Variants in LIMS1 observed in about 807,000 individuals in gnomAD.
LIMS1 encodes the protein LIM and senescent cell antigen-like-containing domain protein 1.
A neutral mutation model predicts 44.1 loss-of-function variants in LIMS1; 18 were observed. That is an observed-to-expected ratio of 0.41 (90% CI 0.28 to 0.61). The LOEUF is 0.61. Among genes scored for constraint, LIMS1 ranks in the 20% least tolerant of loss-of-function variants. The pLI is 0.32. For synonymous variants in LIMS1, 93 were observed against 149.1 expected (o/e 0.62, Z 2.74); for missense variants, 201 against 422.0 (o/e 0.48, Z 4.59).
At chr2:108,683,912 G>A (rs1445904253) in exon 10 of LIMS1, 13 of 1,594,936 alleles carry the variant, frequency 8.2e-6, no homozygotes, top group Non-Finnish European at 1.0e-5. Context: ...TTGACATGAA[G>A]CCAGTCTGTA....
At chr2:108,572,606 G>A (rs1483584046) in intron 1 of LIMS1, among the ~76,000 whole-genome samples, 1 of 151,904 alleles carries the variant, frequency 6.6e-6, no homozygotes, top group Admixed American at 6.6e-5. Flanking sequence ...GGTGGGTCTC[G>A]AACTCCTGAC....
At chr2:108,556,434 T>C (rs1415941117) in intron 1 of LIMS1, among the ~76,000 whole-genome samples, 1 of 152,210 alleles carries the variant, frequency 6.6e-6, no homozygotes, top group Non-Finnish European at 1.5e-5. Flanking sequence ...TGTACAAATA[T>C]CTGTTTGAGT....
exon 10 of LIMS1, chr2:108,684,296 T>C (rs1693194291): frequency 6.2e-6 from 1 of 161,278 alleles, no homozygotes; most frequent in African/African-American, 2.4e-5. Flanking sequence ...AAATTAAATA[T>C]AACTTTTTAA....
intron 1 of LIMS1, among the ~76,000 whole-genome samples, chr2:108,584,716 G>A (rs1686024582): frequency 6.6e-6 from 1 of 152,116 alleles, no homozygotes; most frequent in South Asian, 2.1e-4. Flanking sequence ...GTGAGCATTA[G>A]CGAAGGGAAG....
intron 1 of LIMS1, among the ~76,000 whole-genome samples, chr2:108,626,567 A>C (rs1688588429): frequency 6.6e-6 from 1 of 152,180 alleles, no homozygotes; most frequent in Non-Finnish European, 1.5e-5. Context: ...GGATTCTTCA[A>C]GGCAAGAGAC....
chr2:108,537,185 ACTT>A (rs1684172569), intron 1 of LIMS1, among the ~76,000 whole-genome samples: 1 of 152,210 alleles, frequency 6.6e-6, no homozygotes, highest in South Asian at 2.1e-4. Context: ...TGCTACAGTG[ACTT>A]CTTAGGAATA....
intron 1 of LIMS1, among the ~76,000 whole-genome samples, chr2:108,566,336 G>T (rs1685287947): frequency 6.6e-6 from 1 of 152,174 alleles, no homozygotes; most frequent in African/African-American, 2.4e-5. Flanking sequence ...CCCAGAAGAA[G>T]AATTAAGGAA....
chr2:108,640,583 C>T (rs757469188), intron 1 of LIMS1, among the ~76,000 whole-genome samples: 2 of 152,128 alleles, frequency 1.3e-5, no homozygotes, highest in South Asian at 4.1e-4. Flanking sequence ...CCTGAGTGGC[C>T]ACTCTCTTTT....
intron 1 of LIMS1, among the ~76,000 whole-genome samples, chr2:108,593,697 C>T (rs1278409446): frequency 6.6e-6 from 1 of 152,196 alleles, no homozygotes. Flanking sequence ...GCCAGCCTAG[C>T]ACACTGCTAG....
intron 1 of LIMS1, among the ~76,000 whole-genome samples, chr2:108,587,910 C>T (rs1434853251): frequency 6.6e-6 from 1 of 152,164 alleles, no homozygotes; most frequent in South Asian, 2.1e-4. Flanking sequence ...CTGGCCTGCA[C>T]CTTGCCACCG....
intron 1 of LIMS1, among the ~76,000 whole-genome samples, chr2:108,595,719 T>C (rs1235643560): frequency 6.6e-6 from 1 of 152,242 alleles, no homozygotes; most frequent in Non-Finnish European, 1.5e-5. Flanking sequence ...ACTTTCATTC[T>C]GTTCCTTCAT....
intron 1 of LIMS1, among the ~76,000 whole-genome samples, chr2:108,558,638 G>A (rs1685009417): frequency 6.6e-6 from 1 of 151,310 alleles, no homozygotes; most frequent in Non-Finnish European, 1.5e-5. Flanking sequence ...TCAACTGTGA[G>A]AAAACTTTTA....
intron 1 of LIMS1, among the ~76,000 whole-genome samples, chr2:108,601,961 GTTCTA>G (rs56248221): frequency 0.41 from 62,293 of 151,698 alleles, 14,676 homozygotes; most frequent in East Asian, 0.94. Context: ...ATTTTTTGGT[GTTCTA>G]TTCAATTTTC....
chr2:108,615,193 T>G (rs2148860810), intron 1 of LIMS1, among the ~76,000 whole-genome samples: 1 of 152,340 alleles, frequency 6.6e-6, no homozygotes, highest in South Asian at 2.1e-4. Context: ...TGGGAAAATC[T>G]GGATTTGTGG....
rs927747269 is a variant in LIMS1 at position 108,662,751 on chromosome 2, C to G, written c.192+2987C>G. On this transcript the variant is annotated intron_variant, in intron 2 of 9. Transcript: ENST00000544547. ...TACCCAGTTTGCCTTCCATTTGGGA[C>G]ATGACTGATGTGCTTCAGTCTTTGT... is the stretch of plus-strand genomic sequence containing the variant. The G allele has an allele frequency of 1.9e-5, 18 of 933,538 alleles. No individual in the cohort carries two copies. In the African/African-American group the frequency reaches 3.2e-4, roughly 17 times the overall value. 57.8% of individuals were successfully genotyped at this position (933,538 alleles called of 1,614,324 possible).
intron 1 of LIMS1, among the ~76,000 whole-genome samples, chr2:108,603,077 C>T (rs1301885822): frequency 6.6e-6 from 1 of 152,102 alleles, no homozygotes; most frequent in Non-Finnish European, 1.5e-5. Flanking sequence ...ACGAGCCACT[C>T]GCCTGACCAG....
intron 1 of LIMS1, among the ~76,000 whole-genome samples, chr2:108,628,019 C>G (rs1462871360): frequency 1.3e-5 from 2 of 152,176 alleles, no homozygotes; most frequent in African/African-American, 4.8e-5. Context: ...GGCCATGCCC[C>G]CTCTGACCCC....
chr2:108,534,644 GCGGGCCTTCGGGCCGGGCCGGGC>G, intron 1 of LIMS1, 50 bp downstream of exon 1: 3 of 1,046,906 alleles, frequency 2.9e-6, no homozygotes, highest in Non-Finnish European at 3.5e-6. Context: ...GCAGCTCCCG[GCGGGCCTTCGGGCCGGGCCGGGC>G]CGGGCCTGGC....
At chr2:108,669,875 T>C (rs1044763704) in intron 2 of LIMS1, among the ~76,000 whole-genome samples, 14 of 152,208 alleles carry the variant, frequency 9.2e-5, no homozygotes, top group East Asian at 5.8e-4. Context: ...CACTAAGATA[T>C]GCTTTTCAAG....
Sources: allele counts gnomAD v4.1 joint callset (sites outside exome capture counted in the v4.1 genomes callset), GRCh38; gene constraint gnomAD v4.1.1; transcripts MANE v1.5; gene names NCBI Gene and HGNC (gene_info 2026-07-23, HGNC 2026-07-21).